Variants in WBP2NL observed in about 807,000 individuals in gnomAD.
The protein encoded by WBP2NL is WBP2 N-terminal like, also known as postacrosomal sheath WW domain-binding protein.
In WBP2NL, 27 loss-of-function variants were observed where a neutral mutation model predicts 23.3. That is an observed-to-expected ratio of 1.16 (90% confidence interval 0.85 to 1.60). The LOEUF (loss-of-function observed/expected upper bound fraction) is 1.60, where lower values mean the gene tolerates loss of function less well. Among genes scored for constraint, WBP2NL ranks in the 40% most tolerant of loss-of-function variants. WBP2NL has a pLI of 0.00. For missense variants in WBP2NL, 370 were observed against 389.5 expected, an observed-to-expected ratio of 0.95 and a Z score of 0.42; for synonymous variants, 151 against 145.9, an observed-to-expected ratio of 1.03 and a Z score of -0.25.
chr22:42,043,393 A>G (rs1435381959), intron 8 of WBP2NL, among the ~76,000 whole-genome samples: 3 of 152,156 alleles, frequency 2.0e-5, no homozygotes, highest in Non-Finnish European at 4.4e-5. Context: ...CGTGGTGTGT[A>G]TATGCTCAGT....
chr22:42,033,757 C>G (rs1035256671), downstream of WBP2NL, among the ~76,000 whole-genome samples: 1 of 152,204 alleles, frequency 6.6e-6, no homozygotes, highest in African/African-American at 2.4e-5. Flanking sequence ...GAATGGGTAG[C>G]TCCTCTCTGC....
intron 8 of WBP2NL, among the ~76,000 whole-genome samples, chr22:42,049,459 G>A (rs377049905): frequency 2.4e-4 from 37 of 152,256 alleles, no homozygotes; most frequent in African/African-American, 8.4e-4. Flanking sequence ...GGGAGGCCAA[G>A]GTGGGTGGAT....
At chr22:42,022,169 CTG>C in intron 4 of WBP2NL, 78 bp from the exon 5 acceptor site, 1 of 1,132,418 alleles carries the variant, frequency 8.8e-7, no homozygotes, top group Non-Finnish European at 1.3e-6. Context: ...ATTAAATACT[CTG>C]TTAATTGTTT....
At chr22:42,052,499 C>T (rs1033924354) in intron 8 of WBP2NL, among the ~76,000 whole-genome samples, 1 of 152,018 alleles carries the variant, frequency 6.6e-6, no homozygotes, top group East Asian at 1.9e-4. Context: ...AGGCTGGTCT[C>T]GAACTCCTGA....
chr22:42,016,998 A>G (rs896795943), intron 1 of WBP2NL, among the ~76,000 whole-genome samples: 1 of 152,182 alleles, frequency 6.6e-6, no homozygotes, highest in Admixed American at 6.5e-5. Flanking sequence ...TGATGAAGCC[A>G]TACCACTAGG....
downstream of WBP2NL, among the ~76,000 whole-genome samples, chr22:42,035,854 TTC>T (rs150968339): frequency 2.0e-3 from 298 of 152,216 alleles, 9 homozygotes; most frequent in East Asian, 0.042. Context: ...CCATCCTACT[TTC>T]TGTTTCTATA....
intron 1 of WBP2NL, chr22:42,001,649 G>A (rs766785426): frequency 1.0e-5 from 12 of 1,178,234 alleles, no homozygotes; most frequent in East Asian, 7.0e-5. Context: ...CCAAAACTGG[G>A]ATCTCTTGTC....
At position 42,028,116 on chromosome 22, in the gene WBP2NL, T is replaced by C. The variant is rs1366406982; in HGVS notation, c.*935T>C. On this transcript the variant is annotated 3_prime_UTR_variant, in exon 6 of 6. Transcript: ENST00000328823. ...AAGATTTCATTATATTCATTGTTTCTAACAGCACAAAATTAGAAATAACCT... is the reference window on the plus strand; with the variant it reads ...AAGATTTCATTATATTCATTGTTTCCAACAGCACAAAATTAGAAATAACCT... 1 of 398,358 alleles carries C rather than the reference T, an allele frequency of 2.5e-6. No individual in the cohort carries two copies. Among genetic ancestry groups the C allele is most frequent in the East Asian group, 3.6e-5 (1 of 28,044 alleles). 24.7% of individuals were successfully genotyped at this position (398,358 alleles called of 1,614,324 possible).
chr22:42,026,627 G>C, intron 5 of WBP2NL, 139 bp from the exon 6 acceptor site: 32 of 1,366,820 alleles, frequency 2.3e-5, no homozygotes, highest in Non-Finnish European at 3.1e-5. Context: ...GATAGCTAGA[G>C]GAAATAGCTT....
intron 5 of WBP2NL, 137 bp from the exon 6 acceptor site, chr22:42,026,629 A>G (rs1924521481): frequency 1.5e-6 from 2 of 1,372,432 alleles, no homozygotes; most frequent in Non-Finnish European, 9.9e-7. Flanking sequence ...TAGCTAGAGG[A>G]AATAGCTTTA....
At chr22:42,043,707 G>A (rs900330947) in intron 8 of WBP2NL, among the ~76,000 whole-genome samples, 3 of 150,934 alleles carry the variant, frequency 2.0e-5, no homozygotes, top group African/African-American at 2.4e-5. Context: ...TCTTTGACAC[G>A]CTAGCCAAAA....
intron 8 of WBP2NL, among the ~76,000 whole-genome samples, chr22:42,047,271 A>T (rs1925625308): frequency 6.1e-5 from 1 of 16,290 alleles, no homozygotes; most frequent in African/African-American, 2.4e-4. Flanking sequence ...TTCAAGCTCA[A>T]AAAAAAAAAA....
chr22:42,022,373 A>C lies in WBP2NL; in HGVS notation c.514+17A>C. 6.3e-7 allele frequency: 1 copy of C among 1,590,034 alleles called. No homozygotes were observed. The highest frequency in any genetic ancestry group is 8.6e-7 in the Non-Finnish European group (1 of 1,167,928). ...CTTGTTCAGGTAAGGTATGGCAGAG[A>C]GGTTCTTCCTGGAAGGTGGAAAATT... On this transcript the variant is annotated intron_variant, in intron 5 of 5. Transcript: ENST00000328823.
At chr22:42,022,653 C>T (rs920452396) in intron 5 of WBP2NL, among the ~76,000 whole-genome samples, 1 of 152,248 alleles carries the variant, frequency 6.6e-6, no homozygotes, top group South Asian at 2.1e-4. Context: ...AATATATGCT[C>T]TTGCCCACTT....
chr22:42,043,649 A>T (rs1203119094), intron 8 of WBP2NL, among the ~76,000 whole-genome samples: 3 of 152,186 alleles, frequency 2.0e-5, no homozygotes, highest in Non-Finnish European at 4.4e-5. Flanking sequence ...CATGTGCACA[A>T]CTGAGGAGAA....
intron 8 of WBP2NL, among the ~76,000 whole-genome samples, chr22:42,043,919 G>T (rs1375557530): frequency 2.0e-5 from 3 of 152,156 alleles, no homozygotes; most frequent in African/African-American, 7.2e-5. Flanking sequence ...TATAGACAGG[G>T]TTTCATCATA....
At chr22:42,011,474 A>G (rs1353026412) in intron 1 of WBP2NL, among the ~76,000 whole-genome samples, 1 of 152,026 alleles carries the variant, frequency 6.6e-6, no homozygotes, top group Admixed American at 6.6e-5. Context: ...GCTGGTCGGA[A>G]ACTCCTGGCC....
chr22:42,010,101 G>GATC (rs1190214150), intron 1 of WBP2NL, among the ~76,000 whole-genome samples: 1 of 151,852 alleles, frequency 6.6e-6, no homozygotes, highest in Non-Finnish European at 1.5e-5. Flanking sequence ...CTCCTTTTTG[G>GATC]ATCATTCATA....
chr22:42,051,001 A>G (rs1247841329), intron 8 of WBP2NL, among the ~76,000 whole-genome samples: 1 of 152,172 alleles, frequency 6.6e-6, no homozygotes, highest in Non-Finnish European at 1.5e-5. Flanking sequence ...ATTTATCCAA[A>G]TGAGTTGAAA....
Sources: gnomAD v4.1 joint callset for allele counts (sites outside exome capture counted in the v4.1 genomes callset) on GRCh38, gnomAD v4.1.1 for gene constraint, MANE v1.5 for transcripts, NCBI Gene and HGNC (gene_info 2026-07-23, HGNC 2026-07-21) for gene names.